IGSF9: variants seen among roughly 807,000 people sequenced by gnomAD.
IGSF9 encodes the protein immunoglobulin superfamily member 9, also known as protein turtle homolog A.
IGSF9 carries 87 observed loss-of-function variants against 121.7 expected under a neutral mutation model. The ratio of observed to expected loss-of-function variants is 0.71; its 90% CI spans 0.60 to 0.85. The LOEUF (loss-of-function observed/expected upper bound fraction) is 0.85. Among genes scored for constraint, IGSF9 ranks in the 40% least tolerant of loss-of-function variants. IGSF9 has a pLI of 0.00. For missense variants in IGSF9, 1,462 were observed against 1,565.3 expected (o/e 0.93, Z 1.11); for synonymous variants, 640 against 648.4 (o/e 0.99, Z 0.20).
At chr1:159,944,044 C>A (rs746404944) in intron 1 of IGSF9, among the ~76,000 whole-genome samples, 2 of 152,138 alleles carry the variant, frequency 1.3e-5, no homozygotes, top group African/African-American at 2.4e-5. Context: ...TCTTTCCTTA[C>A]TCTTGATGCT....
Position 159,927,130 on chromosome 1 carries a change from A to AGG in IGSF9, c.*213_*214dup, listed in dbSNP as rs61558173. The AGG allele has an allele frequency of 2.2e-5, 13 of 585,110 alleles. No homozygotes were observed. 36.2% of individuals were successfully genotyped at this position (585,110 alleles called of 1,614,324 possible). On this transcript the variant is annotated 3_prime_UTR_variant, in exon 21 of 21. Transcript: ENST00000368094. ...GAGAGAGAGAGAGAGAGAGAGAGAG[A>AGG]GGCAGACCTAAGATCCCTGTTCCAA...
chr1:159,937,044 AG>A, intron 4 of IGSF9, 136 bp from the exon 5 acceptor site: 1 of 808,172 alleles, frequency 1.2e-6, no homozygotes, highest in South Asian at 1.8e-5. Context: ...TCCTCAGCCC[AG>A]GGCCACCCTG....
At chr1:159,936,592 G>A in intron 5 of IGSF9, 76 bp from the exon 6 acceptor site, 1 of 1,542,002 alleles carries the variant, frequency 6.5e-7, no homozygotes, top group East Asian at 2.3e-5. Context: ...TTGGCCAGCA[G>A]AGGGAGGCAG....
At chr1:159,927,716 G>A in intron 20 of IGSF9, 44 bp downstream of exon 20, 1 of 1,602,370 alleles carries the variant, frequency 6.2e-7, no homozygotes, top group Non-Finnish European at 8.5e-7. Context: ...GGGGATGTGG[G>A]ACAGTATGGC....
In IGSF9 at chr1:159,929,712, A is replaced by T; in HGVS notation, c.2252T>A (p.Leu751His). The change falls in exon 17 of 21, where the codon CTT becomes CAT. Residue 751 changes from leucine (L) to histidine (H), a missense_variant. This residue lies in a region of IGSF9 where 808 missense variants were observed against 815.2 expected (regional missense o/e 0.99). Transcript: ENST00000368094. ...GGVCFLGVAV[L>H]VSILAGCLLN... ...GAGGCAGCCGGCCAGGATGCTCACAAGGACGGCCACTCCCAGAAAGCAGAC... is the reference window on the plus strand; with the variant it reads ...GAGGCAGCCGGCCAGGATGCTCACATGGACGGCCACTCCCAGAAAGCAGAC... 1 of 1,600,832 alleles carries T rather than the reference A, an allele frequency of 6.2e-7. No homozygotes were observed. Among genetic ancestry groups the T allele is most frequent in the Non-Finnish European group, 8.5e-7 (1 of 1,174,858 alleles).
In IGSF9 at chr1:159,937,688, T is replaced by G; in HGVS notation, c.398A>C (p.Asn133Thr). The G allele has an allele frequency of 1.2e-6, 2 of 1,613,194 alleles. No individual in the cohort carries two copies. The highest frequency in any genetic ancestry group is 1.7e-6 in the Non-Finnish European group (2 of 1,179,382). ...CCACCTGCCCCCCAGCTTCATACAA[T>G]TGACTGTCAGATGCACCCAGGAGCC... ...ANGSWVHLTV[N>T]SPPQFQETPP... The change falls in exon 4 of 21, where the codon AAT (asparagine) becomes ACT (threonine). Residue 133 changes from asparagine to threonine, a missense_variant and splice_region_variant. Around this residue, in one of 3 missense-constraint regions of IGSF9, gnomAD observed 558 missense variants for 599.4 expected, o/e 0.93. Transcript: ENST00000368094.
intron 15 of IGSF9, 64 bp downstream of exon 15, chr1:159,930,125 G>C (rs1650936473): frequency 2.6e-6 from 4 of 1,555,036 alleles, no homozygotes; most frequent in Non-Finnish European, 3.5e-6. Context: ...TAGAGTTTGG[G>C]GAATGGAGAA....
intron 6 of IGSF9, 60 bp from the exon 7 acceptor site, chr1:159,934,882 G>A: frequency 6.3e-7 from 1 of 1,599,542 alleles, no homozygotes; most frequent in Non-Finnish European, 8.5e-7. Context: ...AGAACCCTGA[G>A]GTCACCTCTA....
At chr1:159,929,166 G>A in intron 18 of IGSF9, 148 bp from the exon 19 acceptor site, 3 of 1,295,602 alleles carry the variant, frequency 2.3e-6, no homozygotes, top group Non-Finnish European at 3.3e-6. Flanking sequence ...GGGGTGGAGG[G>A]AAGGCACAGG....
chr1:159,935,987 C>G (rs907002911), intron 6 of IGSF9, among the ~76,000 whole-genome samples: 1 of 152,174 alleles, frequency 6.6e-6, no homozygotes, highest in East Asian at 1.9e-4. Flanking sequence ...TTCTCAGTTT[C>G]CCTTCTAAAG....
chr1:159,943,547 G>A lies in IGSF9; in HGVS notation c.-93C>T. 2.4e-6 allele frequency: 3 copies of A among 1,242,976 alleles called. No individual in the cohort carries two copies. The highest frequency in any genetic ancestry group is 3.3e-6 in the Non-Finnish European group (3 of 919,704). 77.0% of individuals were successfully genotyped at this position (1,242,976 alleles called of 1,614,324 possible). On this transcript the variant is annotated 5_prime_UTR_variant, in exon 2 of 21. Coordinates refer to ENST00000368094, the MANE Select transcript of IGSF9 (RefSeq NM_001135050.2). ...TCCTTCTGATCAGCTCAGGGAACAG[G>A]TTTCAGCTCTCACTCTTCTGTACAG...
Position 159,930,801 on chromosome 1 carries a change from G to T in IGSF9, c.1704C>A (p.His568Gln). 6.2e-7 allele frequency: 1 copy of T among 1,614,072 alleles called. No individual in the cohort carries two copies. Among genetic ancestry groups the T allele is most frequent in the Non-Finnish European group, 8.5e-7 (1 of 1,179,946 alleles). The part of the protein sequence containing the change: ...VSLAVPVGAA[H>Q]LLVPGLQPHT... Reference sequence around the variant, plus strand: ...GGGGCTGCAGCCCTGGCACTAGGAGGTGAGCAGCCCCCACAGGCACTGCCA... The same window carrying T: ...GGGGCTGCAGCCCTGGCACTAGGAGTTGAGCAGCCCCCACAGGCACTGCCA... Residue 568 changes from histidine to glutamine, a missense_variant, in exon 14 of 21, where the codon CAC becomes CAA. Around this residue, in one of 3 missense-constraint regions of IGSF9, gnomAD observed 808 missense variants for 815.2 expected, o/e 0.99. Transcript: ENST00000368094.
Position 159,929,696 on chromosome 1 carries a change from G to A in IGSF9, c.2268C>T (p.Ala756=), listed in dbSNP as rs1308538137. Reference sequence around the variant, plus strand: ...CCCTGCGCCGGTTCAGGAGGCAGCCGGCCAGGATGCTCACAAGGACGGCCA... The same window carrying A: ...CCCTGCGCCGGTTCAGGAGGCAGCCAGCCAGGATGCTCACAAGGACGGCCA... The part of the protein sequence containing the change: ...LGVAVLVSIL[A]GCLLNRRRAA... Residue 756 remains alanine (A), a synonymous_variant, in exon 17 of 21, where the codon GCC becomes GCT. Transcript: ENST00000368094. The A allele has an allele frequency of 1.3e-6, 2 of 1,598,222 alleles. No homozygotes were observed. The highest frequency in any genetic ancestry group is 3.5e-5 in the Admixed American group (2 of 57,232).
chr1:159,928,512 C>T lies in IGSF9; in HGVS notation c.2876G>A (p.Arg959Gln), dbSNP rs779951492. 79 of 1,568,820 alleles carry T rather than the reference C, an allele frequency of 5.0e-5. No individual in the cohort carries two copies. Among genetic ancestry groups the T allele is most frequent in the Non-Finnish European group, 6.1e-5 (71 of 1,154,894 alleles). The change falls in exon 19 of 21, where the codon CGG becomes CAG. Residue 959 changes from arginine to glutamine, a missense_variant. By Grantham distance (43) the Arg-to-Gln change is conservative. This residue lies in a region of IGSF9 where 808 missense variants were observed against 815.2 expected (regional missense o/e 0.99). Coordinates refer to ENST00000368094, the MANE Select transcript of IGSF9 (RefSeq NM_001135050.2). ...PAAPPDYMDT[R>Q]RCPTSSFLRS... The stretch of plus-strand genomic sequence containing the variant: ...AAGGAAAGATGAGGTGGGACAGCGC[C>T]GGGTATCCATGTAATCTGGGGGTGC...
intron 5 of IGSF9, 78 bp from the exon 6 acceptor site, chr1:159,936,594 G>A: frequency 6.5e-7 from 1 of 1,540,082 alleles, no homozygotes; most frequent in Admixed American, 1.7e-5. Context: ...GGCCAGCAGA[G>A]GGAGGCAGCA....
chr1:159,938,803 A>T (rs1194277253), intron 3 of IGSF9, among the ~76,000 whole-genome samples: 2 of 152,180 alleles, frequency 1.3e-5, no homozygotes, highest in African/African-American at 4.8e-5. Context: ...TGGAGGAGAG[A>T]AATAATGTAG....
In IGSF9 at chr1:159,934,334, T is replaced by G. The variant is rs1461486802; in HGVS notation, c.962-2A>C. The G allele has an allele frequency of 1.3e-6, 2 of 1,587,210 alleles. No homozygotes were observed. The highest frequency in any genetic ancestry group is 1.7e-6 in the Non-Finnish European group (2 of 1,165,250). ...GCATAGCTGTCACCTGGGCTGGGTC[T>G]GGGGGAAAGTAGTGGCAAGTTGGGG... On this transcript the variant is annotated splice_acceptor_variant, in intron 8 of 20. Coordinates refer to ENST00000368094, the MANE Select transcript of IGSF9 (RefSeq NM_001135050.2). LOFTEE classifies it high-confidence loss of function.
chr1:159,936,598 G>C, intron 5 of IGSF9, 82 bp from the exon 6 acceptor site: 1 of 1,535,426 alleles, frequency 6.5e-7, no homozygotes, highest in Non-Finnish European at 8.9e-7. Flanking sequence ...AGCAGAGGGA[G>C]GCAGCACCCC....
Position 159,928,854 on chromosome 1 carries a change from A to G in IGSF9, c.2534T>C (p.Ile845Thr). The change falls in exon 19 of 21, where the codon ATT becomes ACT. Residue 845 changes from isoleucine to threonine, a missense_variant. Ile to Thr is a moderately conservative substitution (Grantham distance 89, BLOSUM62 -1). Coordinates refer to ENST00000368094, the MANE Select transcript of IGSF9 (RefSeq NM_001135050.2). Reference sequence around the variant, plus strand: ...AAAGCGCCCGTCTGGGCCCCGGCAAATGGGCTCCAGAGGTAAGGGTCCCCG... The same window carrying G: ...AAAGCGCCCGTCTGGGCCCCGGCAAGTGGGCTCCAGAGGTAAGGGTCCCCG... ...SSRGPLPLEP[I>T]CRGPDGRFVM... The G allele has an allele frequency of 3.2e-6, 5 of 1,573,918 alleles. No individual in the cohort carries two copies. The highest frequency in any genetic ancestry group is 4.3e-6 in the Non-Finnish European group (5 of 1,162,306).
Sources: gnomAD v4.1 joint callset for allele counts (sites outside exome capture counted in the v4.1 genomes callset) on GRCh38, gnomAD v4.1.1 for gene constraint, gnomAD v4.1.1 regional missense constraint, MANE v1.5 for transcripts, NCBI Gene and HGNC (gene_info 2026-07-23, HGNC 2026-07-21) for gene names.